Variants in DAAM1 observed in about 807,000 individuals in gnomAD.
DAAM1 encodes the protein disheveled-associated activator of morphogenesis 1.
In DAAM1, 52 loss-of-function variants were observed where a neutral mutation model predicts 130.0. The ratio of observed to expected loss-of-function variants is 0.40; its 90% CI spans 0.32 to 0.50. The LOEUF (loss-of-function observed/expected upper bound fraction) is 0.50, where lower values mean the gene tolerates loss of function less well. DAAM1 is among the 20% of genes least tolerant of loss of function. The pLI is 0.61. For missense variants in DAAM1, 1,134 were observed against 1,303.8 expected (o/e 0.87, Z 2.01); for synonymous variants, 452 against 444.5 (o/e 1.02, Z -0.21).
At chr14:59,289,953 T>TG (rs537224809) in intron 2 of DAAM1, among the ~76,000 whole-genome samples, 47 of 151,874 alleles carry the variant, frequency 3.1e-4, no homozygotes, top group African/African-American at 1.1e-3. Context: ...GACACAAAGA[T>TG]GGGGAAAATA....
At chr14:59,241,047 T>C (rs974644967) in intron 1 of DAAM1, among the ~76,000 whole-genome samples, 1 of 152,266 alleles carries the variant, frequency 6.6e-6, no homozygotes, top group Non-Finnish European at 1.5e-5. Context: ...GCATATGTGC[T>C]TCAAAGATGT....
intron 1 of DAAM1, among the ~76,000 whole-genome samples, chr14:59,224,623 G>A (rs982632757): frequency 1.3e-5 from 2 of 152,216 alleles, no homozygotes; most frequent in South Asian, 2.1e-4. Flanking sequence ...GACTTTAAAC[G>A]TTTGAGTTGG....
At chr14:59,346,143 G>A (rs996297603) in intron 16 of DAAM1, among the ~76,000 whole-genome samples, 3 of 148,084 alleles carry the variant, frequency 2.0e-5, no homozygotes, top group African/African-American at 7.4e-5. Context: ...TTTTTTGGGG[G>A]GGGGGGGGTG....
intron 1 of DAAM1, among the ~76,000 whole-genome samples, chr14:59,235,399 C>A (rs925241807): frequency 1.3e-5 from 2 of 152,066 alleles, no homozygotes; most frequent in African/African-American, 4.8e-5. Flanking sequence ...GGAATTTATC[C>A]ATTTCTTCTA....
At chr14:59,295,385 T>C (rs1376148016) in intron 3 of DAAM1, among the ~76,000 whole-genome samples, 1 of 152,224 alleles carries the variant, frequency 6.6e-6, no homozygotes, top group Non-Finnish European at 1.5e-5. Context: ...TGGTGCTAGG[T>C]ACATACTGAA....
chr14:59,226,374 A>C (rs183045182), intron 1 of DAAM1, among the ~76,000 whole-genome samples: 1 of 151,676 alleles, frequency 6.6e-6, no homozygotes, highest in African/African-American at 2.4e-5. Flanking sequence ...ATTTAAGACA[A>C]ACACACACAC....
At chr14:59,243,080 G>T (rs894069004) in intron 1 of DAAM1, among the ~76,000 whole-genome samples, 3 of 152,134 alleles carry the variant, frequency 2.0e-5, no homozygotes, top group Non-Finnish European at 4.4e-5. Context: ...CCAAAGTTAG[G>T]GGGATAGTTA....
intron 2 of DAAM1, chr14:59,263,987 A>G (rs769179616): frequency 2.7e-5 from 10 of 372,222 alleles, no homozygotes; most frequent in Non-Finnish European, 4.6e-5. Flanking sequence ...TAGTCTATAC[A>G]TTATGCTAAA....
intron 4 of DAAM1, among the ~76,000 whole-genome samples, chr14:59,317,419 TATG>T (rs1198210246): frequency 1.3e-5 from 2 of 152,208 alleles, no homozygotes; most frequent in Admixed American, 6.5e-5. Flanking sequence ...GGCTAATCAC[TATG>T]ATGTCTGTAC....
rs1887055869 is a variant in DAAM1 at position 59,369,376 on chromosome 14, ATGTTGAT to A, written c.*518_*524del. Reference sequence around the variant, plus strand: ...ATGATTTTTGATAGCTGACATTGTGATGTTGATGTATCACATCAGTAATAGGACCAGC... The same window carrying A: ...ATGATTTTTGATAGCTGACATTGTGAGTATCACATCAGTAATAGGACCAGC... On this transcript the variant is annotated 3_prime_UTR_variant, in exon 25 of 25. Coordinates refer to ENST00000360909, the MANE Select transcript of DAAM1 (RefSeq NM_001270520.2). 6.5e-6 allele frequency: 1 copy of A among 153,164 alleles called. No homozygotes were observed. The highest frequency in any genetic ancestry group is 2.4e-5 in the African/African-American group (1 of 41,460). The allele number at this position is 153,164 out of a possible 1,614,324, so 9.5% of individuals were successfully genotyped here.
chr14:59,277,500 ATAT>A (rs1883023405), intron 2 of DAAM1, among the ~76,000 whole-genome samples: 1 of 150,782 alleles, frequency 6.6e-6, no homozygotes, highest in African/African-American at 2.4e-5. Flanking sequence ...TTTCTCCAAA[ATAT>A]TATAAATATG....
intron 16 of DAAM1, among the ~76,000 whole-genome samples, chr14:59,345,297 C>T (rs1337032725): frequency 6.6e-6 from 1 of 152,152 alleles, no homozygotes; most frequent in Non-Finnish European, 1.5e-5. Context: ...TGACGAAAAC[C>T]ATCTGAAGAA....
intron 3 of DAAM1, among the ~76,000 whole-genome samples, chr14:59,308,342 A>G (rs553708925): frequency 1.3e-5 from 2 of 152,338 alleles, no homozygotes; most frequent in Admixed American, 6.5e-5. Context: ...TGGCTTGTAA[A>G]AGGGAAGATT....
chr14:59,202,172 G>T (rs1566646592), intron 1 of DAAM1, among the ~76,000 whole-genome samples: 1 of 152,110 alleles, frequency 6.6e-6, no homozygotes. Context: ...AAGGATCTAG[G>T]TTCTTTCACA....
intron 1 of DAAM1, among the ~76,000 whole-genome samples, chr14:59,199,054 G>T (rs1050868282): frequency 2.6e-5 from 4 of 152,198 alleles, no homozygotes; most frequent in African/African-American, 9.7e-5. Context: ...CGGTGAGGGA[G>T]AACTCCGATT....
chr14:59,347,726 C>A, intron 17 of DAAM1, 103 bp downstream of exon 17: 1 of 1,132,942 alleles, frequency 8.8e-7, no homozygotes, highest in Non-Finnish European at 1.3e-6. Context: ...ATTTCCTCAT[C>A]TATGAATTGA....
chr14:59,318,536 ATCT>A (rs1884880405), intron 4 of DAAM1, among the ~76,000 whole-genome samples: 2 of 151,106 alleles, frequency 1.3e-5, no homozygotes, highest in Non-Finnish European at 2.9e-5. Flanking sequence ...CATCTCCCTT[ATCT>A]ACTAAAAGTT....
intron 1 of DAAM1, among the ~76,000 whole-genome samples, chr14:59,225,019 GTT>G (rs869233694): frequency 0.16 from 14,184 of 90,782 alleles, 1,498 homozygotes; most frequent in East Asian, 0.3. Context: ...ATCTGTGTGG[GTT>G]TTTTTTTTTT....
chr14:59,288,946 T>A (rs1484172606), intron 2 of DAAM1, among the ~76,000 whole-genome samples: 2 of 151,980 alleles, frequency 1.3e-5, no homozygotes, highest in Non-Finnish European at 2.9e-5. Context: ...AGATGAAGCC[T>A]TGGTCTGTCA....
Sources: gnomAD v4.1 joint callset for allele counts (sites outside exome capture counted in the v4.1 genomes callset) on GRCh38, gnomAD v4.1.1 for gene constraint, MANE v1.5 for transcripts, NCBI Gene and HGNC (gene_info 2026-07-23, HGNC 2026-07-21) for gene names.